FBP2: variants seen among roughly 807,000 people sequenced by gnomAD.
FBP2 encodes the protein fructose-1,6-bisphosphatase isozyme 2.
FBP2 carries 27 observed loss-of-function variants against 31.6 expected under a neutral mutation model. That is an observed-to-expected ratio of 0.85 (90% CI 0.63 to 1.18). FBP2 has a LOEUF of 1.18. Among genes scored for constraint, FBP2 ranks in the 50% most tolerant of loss-of-function variants. The probability of loss-of-function intolerance (pLI) is 0.00; values close to 1 mark genes in which losing one functional copy is unlikely to be tolerated. For missense variants in FBP2, 421 were observed against 436.1 expected (o/e 0.97, Z 0.31); for synonymous variants, 168 against 179.8 (o/e 0.93, Z 0.53).
At chr9:94,562,838 A>G (rs1187366827) in intron 6 of FBP2, among the ~76,000 whole-genome samples, 1 of 152,172 alleles carries the variant, frequency 6.6e-6, no homozygotes, top group African/African-American at 2.4e-5. Flanking sequence ...CTGAGTTCTG[A>G]GTAGAAGTTC....
At chr9:94,564,109 G>A (rs1269375711) in intron 5 of FBP2, among the ~76,000 whole-genome samples, 1 of 152,042 alleles carries the variant, frequency 6.6e-6, no homozygotes, top group East Asian at 1.9e-4. Flanking sequence ...TCAAGACCTC[G>A]AATCAACACT....
chr9:94,586,261 G>T (rs1827426347), intron 2 of FBP2, among the ~76,000 whole-genome samples: 1 of 152,282 alleles, frequency 6.6e-6, no homozygotes, highest in African/African-American at 2.4e-5. Context: ...TGTAATCCCA[G>T]CTACTCAGGA....
chr9:94,580,876 G>T (rs1827366859), intron 3 of FBP2, among the ~76,000 whole-genome samples: 1 of 152,118 alleles, frequency 6.6e-6, no homozygotes, highest in Non-Finnish European at 1.5e-5. Context: ...GAAGGCATTG[G>T]CTCCTGCCAG....
At chr9:94,587,014 A>C (rs922335772) in intron 2 of FBP2, among the ~76,000 whole-genome samples, 23 of 152,186 alleles carry the variant, frequency 1.5e-4, no homozygotes, top group African/African-American at 3.4e-4. Context: ...TTAAGCCCCC[A>C]AAAATTTGGC....
At chr9:94,581,694 A>G (rs1827374146) in intron 3 of FBP2, among the ~76,000 whole-genome samples, 1 of 152,186 alleles carries the variant, frequency 6.6e-6, no homozygotes, top group South Asian at 2.1e-4. Flanking sequence ...TATAAACTAA[A>G]ATAAAATCCT....
intron 4 of FBP2, chr9:94,567,668 T>C: frequency 2.4e-6 from 1 of 414,114 alleles, no homozygotes; most frequent in Non-Finnish European, 4.3e-6. Flanking sequence ...GTCTTCTTTC[T>C]TTTCCTGTGC....
At chr9:94,577,644 A>G (rs1222709770) in intron 3 of FBP2, 1 of 152,252 alleles carries the variant, frequency 6.6e-6, no homozygotes, top group Non-Finnish European at 1.5e-5. Flanking sequence ...AAAGATTTAA[A>G]AAGAAAAAAA....
At position 94,579,523 on chromosome 9, in the gene FBP2, A is replaced by T. The variant is rs1441828459; in HGVS notation, c.426+5054T>A. ...AAGCATGTCATAAATGGTTTGTATA[A>T]ATTGTATTAAAGTTTGTGGAGAATT... is the stretch of plus-strand genomic sequence containing the variant. On this transcript the variant is annotated intron_variant, in intron 3 of 6. Transcript: ENST00000375337. Among the ~76,000 whole-genome samples the T allele has an allele frequency of 2.0e-5, 3 of 152,132 alleles. 1 individual carries two copies. The East Asian group carries it at 5.8e-4, about 29-fold the overall frequency.
At chr9:94,584,288 T>C (rs1222676968) in intron 3 of FBP2, among the ~76,000 whole-genome samples, 1 of 152,224 alleles carries the variant, frequency 6.6e-6, no homozygotes. Flanking sequence ...ACCTGGAACC[T>C]AATGCCATGT....
Position 94,563,410 on chromosome 9 carries a change from C to G in FBP2, c.757G>C (p.Val253Leu), listed in dbSNP as rs1052625416. 6.2e-7 allele frequency: 1 copy of G among 1,613,950 alleles called. No homozygotes were observed. Among genetic ancestry groups the G allele is most frequent in the Admixed American group, 1.7e-5 (1 of 60,008 alleles). ...ARYVGSMVADVHRTLVYGGIF... is the reference protein window; with the variant it reads ...ARYVGSMVADLHRTLVYGGIF... The stretch of plus-strand genomic sequence containing the variant: ...CCTCCATAGACCAGGGTGCGGTGCA[C>G]GTCAGCCACCATGGAGCCCACATAC... The change falls in exon 6 of 7, where the codon GTG (valine) becomes CTG (leucine). Residue 253 changes from valine to leucine, a missense_variant. Coordinates refer to ENST00000375337, the MANE Select transcript of FBP2 (RefSeq NM_003837.4).
intron 4 of FBP2, chr9:94,569,298 G>C (rs750120936): frequency 1.3e-5 from 2 of 152,290 alleles, no homozygotes; most frequent in Non-Finnish European, 2.9e-5. Context: ...CCACTGCCGT[G>C]CTTCCTGCTT....
chr9:94,565,517 T>C (rs1827172904), intron 5 of FBP2, among the ~76,000 whole-genome samples: 1 of 152,162 alleles, frequency 6.6e-6, no homozygotes, highest in South Asian at 2.1e-4. Flanking sequence ...GGGAAAACAT[T>C]AAGTCATAAA....
chr9:94,568,865 A>T (rs942319899), intron 4 of FBP2: 4 of 152,138 alleles, frequency 2.6e-5, no homozygotes, highest in Admixed American at 2.6e-4. Context: ...ACAATATCCA[A>T]TCCAGACTGA....
chr9:94,566,270 G>A (rs1827188190), intron 5 of FBP2, among the ~76,000 whole-genome samples: 1 of 152,262 alleles, frequency 6.6e-6, no homozygotes, highest in Non-Finnish European at 1.5e-5. Flanking sequence ...ACTGTGACAT[G>A]TTCATGATGG....
In FBP2 at chr9:94,590,279, G is replaced by A. The variant is rs554938598; in HGVS notation, c.171-2810C>T. On this transcript the variant is annotated intron_variant, in intron 1 of 6. Transcript: ENST00000375337. ...AGTCTCTAAAGGAATGATCCCCCACGGCCATGAGAAAGCCAAGGAGAGGCT... is the reference window on the plus strand; with the variant it reads ...AGTCTCTAAAGGAATGATCCCCCACAGCCATGAGAAAGCCAAGGAGAGGCT... Among the ~76,000 whole-genome samples, 6 of 152,278 alleles carry A rather than the reference G, an allele frequency of 3.9e-5. No individual in the cohort carries two copies. The South Asian group carries it at 8.3e-4, about 21-fold the overall frequency.
chr9:94,581,234 G>A (rs561847531), intron 3 of FBP2, among the ~76,000 whole-genome samples: 6 of 152,180 alleles, frequency 3.9e-5, no homozygotes, highest in East Asian at 3.9e-4. Context: ...AGAAGTGAGC[G>A]TCTGACATAG....
intron 1 of FBP2, among the ~76,000 whole-genome samples, chr9:94,591,448 G>A (rs1406476049): frequency 2.2e-4 from 33 of 151,946 alleles, no homozygotes; most frequent in South Asian, 2.1e-4. Context: ...GTGCGGGCCC[G>A]CCAAGCCCAC....
Position 94,587,439 on chromosome 9 carries a change from C to T in FBP2, c.201G>A (p.Thr67=), listed in dbSNP as rs755966396. 9 of 1,613,906 alleles carry T rather than the reference C, an allele frequency of 5.6e-6. No homozygotes were observed. The highest frequency in any genetic ancestry group is 5.0e-5 in the Admixed American group (3 of 59,974). ...CATCCAGTTTCTTCACCTCATCTCC[C>T]GTCACGTTAACGCTTCCTGCGATTC... The part of the protein sequence containing the change: ...LYGIAGSVNV[T]GDEVKKLDVL... Residue 67 remains threonine (T), a synonymous_variant, in exon 2 of 7, where the codon ACG becomes ACA. Coordinates refer to ENST00000375337, the MANE Select transcript of FBP2 (RefSeq NM_003837.4).
At chr9:94,584,748 G>T in intron 2 of FBP2, 79 bp from the exon 3 acceptor site, 1 of 841,582 alleles carries the variant, frequency 1.2e-6, no homozygotes, top group Non-Finnish European at 2.1e-6. Context: ...GCTGTGCGTG[G>T]CAGAGTACAC....
Sources: gnomAD v4.1 joint callset for allele counts (sites outside exome capture counted in the v4.1 genomes callset) on GRCh38, gnomAD v4.1.1 for gene constraint, MANE v1.5 for transcripts, NCBI Gene and HGNC (gene_info 2026-07-23, HGNC 2026-07-21) for gene names.